The following TTC17 variants were observed in gnomAD, a reference collection of about 807,000 sequenced individuals.
TTC17 encodes the protein tetratricopeptide repeat protein 17.
Under a neutral mutation model 143.8 loss-of-function variants are expected in TTC17, and 58 were observed. That is an observed-to-expected ratio of 0.40 (90% confidence interval 0.33 to 0.50). The LOEUF (loss-of-function observed/expected upper bound fraction) is 0.50, where lower values mean the gene tolerates loss of function less well. Ranked by LOEUF, TTC17 falls within the 20% of genes least tolerant of loss-of-function variation. The pLI is 0.49. For synonymous variants in TTC17, 501 were observed against 497.8 expected, an observed-to-expected ratio of 1.01 and a Z score of -0.09; for missense variants, 1,273 against 1,392.5, an observed-to-expected ratio of 0.91 and a Z score of 1.37.
At position 43,493,775 on chromosome 11, in the gene TTC17, A is replaced by G. The variant is rs1486866962; in HGVS notation, c.3297A>G (p.Glu1099=). ...ATTTCTCTCCTTGGCCCTCACAGGA[A>G]GAATTTGAAAAAGCACTGGTGTGGT... ...FTLGNVYVAM[E]EFEKALVWYE... is the part of the protein sequence containing the mutation. Residue 1099 remains glutamate (E), a splice_region_variant and synonymous_variant, in exon 24 of 24, where the codon GAA becomes GAG. Coordinates refer to ENST00000039989, the MANE Select transcript of TTC17 (RefSeq NM_018259.6). The G allele has an allele frequency of 1.9e-6, 3 of 1,614,098 alleles. No homozygotes were observed. Among genetic ancestry groups the G allele is most frequent in the African/African-American group, 1.3e-5 (1 of 75,040 alleles).
intron 16 of TTC17, among the ~76,000 whole-genome samples, chr11:43,438,758 G>A (rs772424835): frequency 7.9e-5 from 12 of 152,052 alleles, no homozygotes; most frequent in Non-Finnish European, 1.5e-4. Context: ...TCCATCCTCT[G>A]CTCCCTAAAC....
chr11:43,423,530 T>C (rs1016149784), intron 16 of TTC17, among the ~76,000 whole-genome samples: 2 of 152,130 alleles, frequency 1.3e-5, no homozygotes, highest in African/African-American at 4.8e-5. Flanking sequence ...ACAGAGAGTT[T>C]GAGAGGGACA....
chr11:43,397,909 T>C (rs1158449010), intron 7 of TTC17, 65 bp from the exon 8 acceptor site: 1 of 516,170 alleles, frequency 1.9e-6, no homozygotes, highest in Non-Finnish European at 2.6e-6. Flanking sequence ...TCCGTGTGTG[T>C]GTGTGTGTGT....
chr11:43,361,547 C>T (rs542889939), intron 1 of TTC17, among the ~76,000 whole-genome samples: 5 of 152,144 alleles, frequency 3.3e-5, no homozygotes, highest in Non-Finnish European at 7.4e-5. Flanking sequence ...ATCAAAATAC[C>T]TCATGTAATT....
chr11:43,384,863 T>A (rs79384328), intron 2 of TTC17, among the ~76,000 whole-genome samples: 25 of 152,248 alleles, frequency 1.6e-4, no homozygotes, highest in African/African-American at 9.6e-5. Context: ...ATGCAAAAAA[T>A]TTTTTTAAAG....
At chr11:43,359,205 C>T (rs1855989235) in intron 1 of TTC17, 92 bp downstream of exon 1, 3 of 1,414,902 alleles carry the variant, frequency 2.1e-6, no homozygotes, top group African/African-American at 1.5e-5. Flanking sequence ...TCCGCGCGGC[C>T]CCGCCCCCAG....
In TTC17 at chr11:43,484,073, C is replaced by T. The variant is rs548982125; in HGVS notation, c.3031-6166C>T. On this transcript the variant is annotated intron_variant, in intron 21 of 23. Coordinates refer to ENST00000039989, the MANE Select transcript of TTC17 (RefSeq NM_018259.6). ...AGAAGAATCACTTGAACCCAGGAGG[C>T]GGAGGTTGCAGTGAGCCGAGATTGT... Among the ~76,000 whole-genome samples, 44 of 152,184 alleles carry T rather than the reference C, an allele frequency of 2.9e-4. No individual in the cohort carries two copies. In the South Asian group the frequency reaches 7.9e-3, roughly 27 times the overall value.
chr11:43,377,125 C>G (rs1344135309), intron 1 of TTC17, among the ~76,000 whole-genome samples: 9 of 152,094 alleles, frequency 5.9e-5, no homozygotes, highest in African/African-American at 2.2e-4. Flanking sequence ...AACTCCATCT[C>G]TACTAAAAAT....
chr11:43,473,541 T>C (rs1409459792), intron 21 of TTC17, among the ~76,000 whole-genome samples: 1 of 152,102 alleles, frequency 6.6e-6, no homozygotes, highest in African/African-American at 2.4e-5. Context: ...CTAAAACCTC[T>C]TAGACTGTGG....
chr11:43,407,400 G>C lies in TTC17; in HGVS notation c.1887G>C (p.Trp629Cys). 2 of 1,613,896 alleles carry C rather than the reference G, an allele frequency of 1.2e-6. No individual in the cohort carries two copies. The highest frequency in any genetic ancestry group is 1.7e-6 in the Non-Finnish European group (2 of 1,179,962). The stretch of plus-strand genomic sequence containing the variant: ...TACTCAATGAAGCTGGACTATACTG[G>C]AGAGCAGTAGGAAATAGCACTTTTG... The part of the protein sequence containing the change: ...WLILNEAGLY[W>C]RAVGNSTFAI... Residue 629 changes from tryptophan to cysteine, a missense_variant, in exon 15 of 24, where the codon TGG becomes TGC. Around this residue, in one of 3 missense-constraint regions of TTC17, gnomAD observed 878 missense variants for 899.8 expected, o/e 0.98. Transcript: ENST00000039989.
intron 16 of TTC17, chr11:43,435,103 A>AT (rs941113297): frequency 6.6e-6 from 1 of 152,020 alleles, no homozygotes; most frequent in Non-Finnish European, 1.5e-5. Flanking sequence ...AGATAGATAG[A>AT]TAGATAGATA....
intron 2 of TTC17, among the ~76,000 whole-genome samples, chr11:43,382,013 T>G (rs1440642299): frequency 6.6e-6 from 1 of 152,152 alleles, no homozygotes; most frequent in Non-Finnish European, 1.5e-5. Flanking sequence ...AGGGGAAAGA[T>G]GCAGGCTCAA....
intron 1 of TTC17, among the ~76,000 whole-genome samples, chr11:43,376,826 G>A (rs571749562): frequency 1.3e-5 from 2 of 152,300 alleles, no homozygotes; most frequent in East Asian, 1.9e-4. Flanking sequence ...TCTGAGAAAT[G>A]TATCAGATGA....
chr11:43,446,278 T>C (rs147248902), intron 18 of TTC17: 860 of 803,528 alleles, frequency 1.1e-3, no homozygotes, highest in Non-Finnish European at 1.3e-3. Context: ...CAAAATCAAG[T>C]GCCATCTCTT....
intron 1 of TTC17, among the ~76,000 whole-genome samples, chr11:43,372,097 G>A (rs1249306365): frequency 6.6e-6 from 1 of 152,120 alleles, no homozygotes; most frequent in Non-Finnish European, 1.5e-5. Context: ...AAGAAAAAAT[G>A]TATATATTCA....
At chr11:43,464,205 G>A (rs534224135) in intron 21 of TTC17, among the ~76,000 whole-genome samples, 6 of 151,976 alleles carry the variant, frequency 3.9e-5, no homozygotes, top group Admixed American at 1.3e-4. Context: ...GCTTGAACCT[G>A]GGAGGCAGAG....
chr11:43,470,061 G>A (rs1054891937), intron 21 of TTC17, among the ~76,000 whole-genome samples: 2 of 152,126 alleles, frequency 1.3e-5, no homozygotes, highest in African/African-American at 4.8e-5. Flanking sequence ...ATCTTCCAAA[G>A]TAAAAATGTA....
At chr11:43,415,923 A>C (rs1946767552) in intron 16 of TTC17, among the ~76,000 whole-genome samples, 1 of 152,212 alleles carries the variant, frequency 6.6e-6, no homozygotes, top group Non-Finnish European at 1.5e-5. Context: ...AATAGAGTGG[A>C]GTGGCTAGCA....
intron 5 of TTC17, among the ~76,000 whole-genome samples, chr11:43,394,346 A>G (rs1223606632): frequency 6.6e-6 from 1 of 152,240 alleles, no homozygotes; most frequent in Non-Finnish European, 1.5e-5. Flanking sequence ...TATTGCAATT[A>G]ATAGTTGAAA....
Sources: allele counts gnomAD v4.1 joint callset (sites outside exome capture counted in the v4.1 genomes callset), GRCh38; gene constraint gnomAD v4.1.1; regional missense constraint gnomAD v4.1.1; transcripts MANE v1.5; gene names NCBI Gene and HGNC (gene_info 2026-07-23, HGNC 2026-07-21).